Variants in ADAMTS2 observed in about 807,000 individuals in gnomAD.
ADAMTS2 encodes ADAM metallopeptidase with thrombospondin type 1 motif 2.
ADAMTS2 carries 50 observed loss-of-function variants against 123.0 expected under a neutral mutation model. The ratio of observed to expected loss-of-function variants is 0.41; its 90% CI spans 0.32 to 0.51. The LOEUF is 0.51. ADAMTS2 is among the 20% of genes least tolerant of loss of function. The pLI is 0.35. For synonymous variants in ADAMTS2, 678 were observed against 695.4 expected, an observed-to-expected ratio of 0.98 and a Z score of 0.39; for missense variants, 1,494 against 1,705.2, an observed-to-expected ratio of 0.88 and a Z score of 2.18.
At chr5:179,335,941 T>G (rs538475009) in intron 2 of ADAMTS2, among the ~76,000 whole-genome samples, 12 of 152,258 alleles carry the variant, frequency 7.9e-5, no homozygotes, top group Non-Finnish European at 1.5e-4. Flanking sequence ...CCTTGTCGTT[T>G]AGGGGTTTTC....
chr5:179,199,733 G>A (rs886247035), intron 4 of ADAMTS2, among the ~76,000 whole-genome samples: 1 of 152,122 alleles, frequency 6.6e-6, no homozygotes, highest in Non-Finnish European at 1.5e-5. Context: ...CCTGAGTCTG[G>A]CTGTGCCTGT....
At chr5:179,195,058 G>A (rs1022215298) in intron 4 of ADAMTS2, among the ~76,000 whole-genome samples, 2 of 152,276 alleles carry the variant, frequency 1.3e-5, no homozygotes, top group African/African-American at 2.4e-5. Flanking sequence ...GCCCTTGTCC[G>A]AGGAGCCTTC....
chr5:179,302,092 T>C (rs1488153256), intron 2 of ADAMTS2, among the ~76,000 whole-genome samples: 1 of 151,324 alleles, frequency 6.6e-6, no homozygotes, highest in Non-Finnish European at 1.5e-5. Flanking sequence ...GGAAGGGGAG[T>C]GTAGAGTGAG....
chr5:179,205,536 G>A (rs986399924), intron 4 of ADAMTS2, among the ~76,000 whole-genome samples: 3 of 152,248 alleles, frequency 2.0e-5, no homozygotes, highest in East Asian at 1.9e-4. Context: ...AGTCGCCATC[G>A]GACTGTAATT....
rs929525709 is a variant in ADAMTS2 at position 179,181,737 on chromosome 5, C to T, written c.892-582G>A. Among the ~76,000 whole-genome samples the T allele has an allele frequency of 6.6e-6, 1 of 152,194 alleles. No individual in the cohort carries two copies. Among genetic ancestry groups the T allele is most frequent in the South Asian group, 2.1e-4 (1 of 4,830 alleles). ...TTTTGATGGCTGGAGCTCCTGCAGT[C>T]GCCGTCTCTGTATTTATCACAATCA... On this transcript the variant is annotated intron_variant, in intron 4 of 21. Coordinates refer to ENST00000251582, the MANE Select transcript of ADAMTS2 (RefSeq NM_014244.5). The surrounding 1 kb of genome is among the most constrained non-coding windows in gnomAD (Gnocchi z 4.1).
chr5:179,192,110 G>A (rs1581179018), intron 4 of ADAMTS2, among the ~76,000 whole-genome samples: 1 of 152,322 alleles, frequency 6.6e-6, no homozygotes, highest in Middle Eastern at 3.4e-3. Context: ...TGCATGATGA[G>A]GAAGAAGGGA....
Position 179,285,389 on chromosome 5 carries a change from G to A in ADAMTS2, c.535-12325C>T, listed in dbSNP as rs1051112442. On this transcript the variant is annotated intron_variant, in intron 2 of 21. Transcript: ENST00000251582. The surrounding 1 kb of genome is among the most constrained non-coding windows in gnomAD (Gnocchi z 4.9). ...GGGCCAGCGCAGGGGCCAGCCAGGCGGCCTTCTGCTAAATCAAGCAACGCT... is the reference window on the plus strand; with the variant it reads ...GGGCCAGCGCAGGGGCCAGCCAGGCAGCCTTCTGCTAAATCAAGCAACGCT... Among the ~76,000 whole-genome samples the A allele has an allele frequency of 2.6e-5, 4 of 152,198 alleles. No homozygotes were observed. Among genetic ancestry groups the A allele is most frequent in the African/African-American group, 4.8e-5 (2 of 41,454 alleles).
intron 3 of ADAMTS2, among the ~76,000 whole-genome samples, chr5:179,238,633 C>T (rs769246395): frequency 6.6e-6 from 1 of 152,072 alleles, no homozygotes; most frequent in Non-Finnish European, 1.5e-5. Flanking sequence ...AGGAGGACCC[C>T]ATGTGGGGTT....
At chr5:179,264,875 G>C (rs933409049) in intron 3 of ADAMTS2, among the ~76,000 whole-genome samples, 2 of 152,110 alleles carry the variant, frequency 1.3e-5, no homozygotes, top group African/African-American at 2.4e-5. Context: ...ACAGCATGTC[G>C]GGTGGAGCTG....
chr5:179,181,291 C>T lies in ADAMTS2; in HGVS notation c.892-136G>A. 1 of 708,422 alleles carries T rather than the reference C, an allele frequency of 1.4e-6. No individual in the cohort carries two copies. Among genetic ancestry groups the T allele is most frequent in the Non-Finnish European group, 2.6e-6 (1 of 392,120 alleles). 43.9% of individuals were successfully genotyped at this position (708,422 alleles called of 1,614,324 possible). On this transcript the variant is annotated intron_variant, in intron 4 of 21. Transcript: ENST00000251582. This position sits in a 1 kb window ranked among gnomAD's most constrained non-coding sequence, Gnocchi z 4.1. ...AGGCGTCACCATCAACTAGGAGCCA[C>T]CTTGTGACCCCTCCCTCATTGCCCC... is the stretch of plus-strand genomic sequence containing the variant.
chr5:179,212,028 G>A (rs973940757), intron 3 of ADAMTS2, among the ~76,000 whole-genome samples: 8 of 152,190 alleles, frequency 5.3e-5, no homozygotes, highest in South Asian at 2.1e-4. Flanking sequence ...TGAGTCCAAC[G>A]TTGTCCACAT....
At chr5:179,221,379 A>G (rs1342628532) in intron 3 of ADAMTS2, among the ~76,000 whole-genome samples, 1 of 152,124 alleles carries the variant, frequency 6.6e-6, no homozygotes, top group Non-Finnish European at 1.5e-5. Context: ...AGGGAGCTGA[A>G]AGTACCAGGG....
At chr5:179,269,860 C>T (rs1328756094) in intron 3 of ADAMTS2, among the ~76,000 whole-genome samples, 2 of 152,118 alleles carry the variant, frequency 1.3e-5, no homozygotes, top group Non-Finnish European at 2.9e-5. Context: ...GGGGGGACAC[C>T]TCAACCACTG....
rs529938538 is a variant in ADAMTS2, at chr5:179,197,585, A to C, written c.891+9928T>G. Among the ~76,000 whole-genome samples the C allele has an allele frequency of 2.0e-5, 3 of 152,252 alleles. No homozygotes were observed. In the East Asian group the frequency reaches 5.8e-4, roughly 29 times the overall value. ...CTCTAAAACAAATCTTTAAAAAATG[A>C]GTCAGGCATGGTGGTGTGTGCCTGT... On this transcript the variant is annotated intron_variant, in intron 4 of 21. Coordinates refer to ENST00000251582, the MANE Select transcript of ADAMTS2 (RefSeq NM_014244.5). The surrounding 1 kb of genome is among the most constrained non-coding windows in gnomAD (Gnocchi z 4.2).
At position 179,262,682 on chromosome 5, in the gene ADAMTS2, G is replaced by A. The variant is rs183024105; in HGVS notation, c.688+10229C>T. On this transcript the variant is annotated intron_variant, in intron 3 of 21. Coordinates refer to ENST00000251582, the MANE Select transcript of ADAMTS2 (RefSeq NM_014244.5). This position sits in a 1 kb window ranked among gnomAD's most constrained non-coding sequence, Gnocchi z 5.9. ...TTTCCCATCATCACCAACCTGGGGC[G>A]CCTCCCTCCCTTACCTGCCTTCTCA... 6.6e-5 allele frequency among the ~76,000 whole-genome samples: 10 copies of A among 152,266 alleles called. No individual in the cohort carries two copies. Among genetic ancestry groups the A allele is most frequent in the South Asian group, 2.1e-4 (1 of 4,816 alleles).
intron 3 of ADAMTS2, among the ~76,000 whole-genome samples, chr5:179,270,321 C>T (rs551115828): frequency 6.6e-6 from 1 of 152,198 alleles, no homozygotes; most frequent in Admixed American, 6.5e-5. Context: ...GCCCATCCCC[C>T]ACTGGGACAC....
rs1756847027 is a variant in ADAMTS2, at chr5:179,312,013, C to T, written c.534+31754G>A. On this transcript the variant is annotated intron_variant, in intron 2 of 21. Transcript: ENST00000251582. The surrounding 1 kb of genome is among the most constrained non-coding windows in gnomAD (Gnocchi z 4.2). ...GGAGAAGGGGCATGGGAACCCTGTGCCGCTAAGGGCATACTCTAGACCCTC... is the reference window on the plus strand; with the variant it reads ...GGAGAAGGGGCATGGGAACCCTGTGTCGCTAAGGGCATACTCTAGACCCTC... Among the ~76,000 whole-genome samples, 1 of 152,188 alleles carries T rather than the reference C, an allele frequency of 6.6e-6. No individual in the cohort carries two copies. The highest frequency in any genetic ancestry group is 1.5e-5 in the Non-Finnish European group (1 of 68,040).
At chr5:179,223,571 C>T (rs1765194293) in intron 3 of ADAMTS2, among the ~76,000 whole-genome samples, 1 of 151,254 alleles carries the variant, frequency 6.6e-6, no homozygotes. Context: ...CACGCGAATG[C>T]ACTCGCACAC....
chr5:179,131,306 CAAAAAAAAAAAAA>C (rs553125844), intron 15 of ADAMTS2, among the ~76,000 whole-genome samples: 5 of 22,660 alleles, frequency 2.2e-4, no homozygotes, highest in Non-Finnish European at 4.4e-4. Context: ...GAGCGAGACT[CAAAAAAAAAAAAA>C]AAAAAAAAAA....
Sources: gnomAD v4.1 joint callset for allele counts (sites outside exome capture counted in the v4.1 genomes callset) on GRCh38, gnomAD v4.1.1 for gene constraint, Gnocchi (gnomAD v3.1) non-coding constraint, MANE v1.5 for transcripts, NCBI Gene and HGNC (gene_info 2026-07-23, HGNC 2026-07-21) for gene names.